Variants in COG6 observed in about 807,000 individuals in gnomAD.
COG6 encodes conserved oligomeric Golgi complex subunit 6.
COG6 carries 74 observed loss-of-function variants against 88.8 expected under a neutral mutation model. The ratio of observed to expected loss-of-function variants is 0.83; its 90% confidence interval spans 0.69 to 1.01. The LOEUF (loss-of-function observed/expected upper bound fraction) is 1.01. COG6 is among the 50% of genes least tolerant of loss of function. The probability of loss-of-function intolerance (pLI) is 0.00; values close to 1 mark genes in which losing one functional copy is unlikely to be tolerated. For missense variants in COG6, 800 were observed against 797.9 expected (o/e 1.00, Z -0.03); for synonymous variants, 286 against 278.7 (o/e 1.03, Z -0.26).
chr13:39,668,577 A>G (rs4300508), intron 4 of COG6, among the ~76,000 whole-genome samples: 108,292 of 151,410 alleles, frequency 0.72, 39,075 homozygotes, highest in Admixed American at 0.81. Flanking sequence ...TCACGAGGTC[A>G]GGAGATCGAG....
chr13:39,656,594 G>A (rs1406383355), intron 1 of COG6, among the ~76,000 whole-genome samples: 1 of 152,102 alleles, frequency 6.6e-6, no homozygotes, highest in Admixed American at 6.5e-5. Flanking sequence ...GGTCATGACA[G>A]TGTAACATAA....
At chr13:39,749,248 C>T (rs1196238633) in intron 18 of COG6, among the ~76,000 whole-genome samples, 1 of 152,146 alleles carries the variant, frequency 6.6e-6, no homozygotes, top group African/African-American at 2.4e-5. Context: ...AGTTCTTTTT[C>T]TCCATCAAGC....
chr13:39,750,289 A>C (rs1880554762), intron 18 of COG6, among the ~76,000 whole-genome samples: 2 of 152,306 alleles, frequency 1.3e-5, no homozygotes, highest in South Asian at 4.1e-4. Context: ...CTATGCAGAG[A>C]GTTGTTGCAC....
intron 18 of COG6, among the ~76,000 whole-genome samples, chr13:39,765,978 G>T (rs1487749362): frequency 1.3e-5 from 2 of 152,206 alleles, no homozygotes; most frequent in Non-Finnish European, 2.9e-5. Flanking sequence ...ACAGGATTTA[G>T]CAACCCAACC....
At chr13:39,706,504 A>C (rs1877932479) in intron 13 of COG6, among the ~76,000 whole-genome samples, 1 of 151,710 alleles carries the variant, frequency 6.6e-6, no homozygotes, top group Admixed American at 6.6e-5. Context: ...TTATGGTGCA[A>C]CCTTTTTATT....
intron 7 of COG6, among the ~76,000 whole-genome samples, chr13:39,680,536 G>A (rs1876248980): frequency 6.6e-6 from 1 of 152,210 alleles, no homozygotes; most frequent in Non-Finnish European, 1.5e-5. Context: ...ATCAGATGTG[G>A]TTCTCACTAT....
intron 4 of COG6, among the ~76,000 whole-genome samples, chr13:39,668,753 A>C (rs1191514874): frequency 6.6e-6 from 1 of 150,586 alleles, no homozygotes; most frequent in Non-Finnish European, 1.5e-5. Flanking sequence ...GCGCCACTGC[A>C]CTCCAGCCTG....
intron 4 of COG6, among the ~76,000 whole-genome samples, chr13:39,671,503 A>G (rs917530288): frequency 4.7e-5 from 7 of 150,526 alleles, no homozygotes; most frequent in Admixed American, 4.0e-4. Flanking sequence ...CTTTTTCTAT[A>G]TTCTTATTCA....
chr13:39,786,382 G>A (rs774505262), intron 18 of COG6, among the ~76,000 whole-genome samples: 1 of 152,206 alleles, frequency 6.6e-6, no homozygotes, highest in Non-Finnish European at 1.5e-5. Flanking sequence ...AGTGGAAGGA[G>A]AATAGTGGAT....
chr13:39,691,577 A>G (rs1422713164), intron 11 of COG6, among the ~76,000 whole-genome samples: 3 of 151,986 alleles, frequency 2.0e-5, no homozygotes, highest in East Asian at 1.9e-4. Flanking sequence ...GGTGTTCACA[A>G]TAGTTACGTA....
intron 18 of COG6, among the ~76,000 whole-genome samples, chr13:39,735,526 T>C (rs1353701939): frequency 6.6e-6 from 1 of 152,196 alleles, no homozygotes; most frequent in African/African-American, 2.4e-5. Context: ...ACTCAAGATA[T>C]GAGTAGTTTA....
intron 2 of COG6, among the ~76,000 whole-genome samples, chr13:39,660,160 G>T (rs942969135): frequency 1.1e-4 from 16 of 152,066 alleles, no homozygotes; most frequent in African/African-American, 3.6e-4. Context: ...ATTGACTGAA[G>T]ACTAATACTT....
chr13:39,692,661 T>C (rs1008003240), intron 11 of COG6, among the ~76,000 whole-genome samples: 1 of 152,064 alleles, frequency 6.6e-6, no homozygotes, highest in South Asian at 2.1e-4. Flanking sequence ...TGCTCTCGCT[T>C]TTGCTCTAGC....
At position 39,700,116 on chromosome 13, in the gene COG6, A is replaced by G. The variant is rs1219433075; in HGVS notation, c.1284+498A>G. The stretch of plus-strand genomic sequence containing the variant: ...CAACAAAATCCTCAAAGAGTCCTGT[A>G]AGATCTAATATCTTAAATTGAGCAG... On this transcript the variant is annotated intron_variant, in intron 13 of 18. Transcript: ENST00000455146. 3.6e-4 allele frequency among the ~76,000 whole-genome samples: 55 copies of G among 151,898 alleles called. 1 individual carries two copies. Among genetic ancestry groups the G allele is most frequent in the Non-Finnish European group, 4.4e-5 (3 of 67,856 alleles).
chr13:39,697,585 C>T (rs1276793894), intron 12 of COG6, among the ~76,000 whole-genome samples: 1 of 151,878 alleles, frequency 6.6e-6, no homozygotes, highest in Non-Finnish European at 1.5e-5. Flanking sequence ...ATTTTGGATC[C>T]AAGCTATTTA....
chr13:39,693,357 G>A (rs1877089111), intron 11 of COG6, among the ~76,000 whole-genome samples: 1 of 151,530 alleles, frequency 6.6e-6, no homozygotes, highest in African/African-American at 2.4e-5. Flanking sequence ...TCAGAACTAA[G>A]AATATTTTCT....
At chr13:39,773,283 C>T (rs1027080367) in intron 18 of COG6, among the ~76,000 whole-genome samples, 3 of 152,208 alleles carry the variant, frequency 2.0e-5, no homozygotes, top group Non-Finnish European at 4.4e-5. Context: ...AAATGGAAGC[C>T]ACAATAGGCA....
At position 39,719,367 on chromosome 13, in the gene COG6, G is replaced by A; in HGVS notation, c.1416G>A (p.Gln472=). Residue 472 remains glutamine (Q), a splice_region_variant and synonymous_variant, in exon 14 of 19, where the codon CAG becomes CAA. Coordinates refer to ENST00000455146, the MANE Select transcript of COG6 (RefSeq NM_020751.3). ...PLDARQADFV[Q]VLSCVLDPLL... is the part of the protein sequence containing the mutation. ...ATGCTCGTCAAGCTGATTTTGTGCA[G>A]GTATGTTATAAATTCATTTTTAATG... 1 of 1,611,744 alleles carries A rather than the reference G, an allele frequency of 6.2e-7. No homozygotes were observed. The highest frequency in any genetic ancestry group is 8.5e-7 in the Non-Finnish European group (1 of 1,178,660).
chr13:39,691,764 A>T (rs1194283935), intron 11 of COG6, among the ~76,000 whole-genome samples: 2 of 151,456 alleles, frequency 1.3e-5, no homozygotes, highest in South Asian at 2.1e-4. Flanking sequence ...GACTTTAATT[A>T]TTTTTTTTTG....
Sources: allele counts gnomAD v4.1 joint callset (sites outside exome capture counted in the v4.1 genomes callset), GRCh38; gene constraint gnomAD v4.1.1; transcripts MANE v1.5; gene names NCBI Gene and HGNC (gene_info 2026-07-23, HGNC 2026-07-21).